Variants in CDC42BPB observed in about 807,000 individuals in gnomAD.
CDC42BPB encodes CDC42 binding protein kinase beta.
CDC42BPB carries 37 observed loss-of-function variants against 214.9 expected under a neutral mutation model. The ratio of observed to expected loss-of-function variants is 0.17; its 90% CI spans 0.13 to 0.23. The LOEUF is 0.23. Among genes scored for constraint, CDC42BPB ranks in the 10% least tolerant of loss-of-function variants. The pLI, the probability that CDC42BPB is intolerant of heterozygous loss-of-function variation, is 1.00. For missense variants in CDC42BPB, 1,694 were observed against 2,227.0 expected (o/e 0.76, Z 4.82); for synonymous variants, 931 against 884.0 (o/e 1.05, Z -0.94).
At chr14:103,050,864 G>C (rs532168456) in intron 1 of CDC42BPB, among the ~76,000 whole-genome samples, 35 of 151,916 alleles carry the variant, frequency 2.3e-4, no homozygotes, top group Non-Finnish European at 4.7e-4. Flanking sequence ...CTTACAATAG[G>C]TCCCAAATGT....
At chr14:103,017,892 G>A (rs539317606) in intron 1 of CDC42BPB, among the ~76,000 whole-genome samples, 1 of 152,332 alleles carries the variant, frequency 6.6e-6, no homozygotes, top group Non-Finnish European at 1.5e-5. Flanking sequence ...GATTGTGTTG[G>A]TTACACCGTG....
rs761439565 is a variant in CDC42BPB, at chr14:102,968,615, C to G, written c.2097G>C (p.Glu699Asp). ...ELEKKVLFYE[E>D]ELVRREASHV... ...GGGAGGCCTCACGTCTGACCAATTC[C>G]TCTTCATAAAATAAGACTTTCTTCT... Residue 699 changes from glutamate (E) to aspartate (D), a missense_variant, in exon 15 of 37, where the codon GAG (glutamate) becomes GAC (aspartate). Glu to Asp is a conservative substitution (Grantham distance 45). Around this residue, in one of 7 missense-constraint regions of CDC42BPB, gnomAD observed 462 missense variants for 513.5 expected, o/e 0.90. Coordinates refer to ENST00000361246, the MANE Select transcript of CDC42BPB (RefSeq NM_006035.4). The G allele has an allele frequency of 6.2e-7, 1 of 1,614,192 alleles. No homozygotes were observed. Among genetic ancestry groups the G allele is most frequent in the Admixed American group, 1.7e-5 (1 of 60,030 alleles).
chr14:102,941,637 T>C, intron 30 of CDC42BPB: 1 of 827,660 alleles, frequency 1.2e-6, no homozygotes, highest in Non-Finnish European at 1.5e-6. Context: ...AGAAGTCTAG[T>C]TTGCTGACTC....
At chr14:103,044,629 A>G (rs1183819109) in intron 1 of CDC42BPB, among the ~76,000 whole-genome samples, 1 of 151,930 alleles carries the variant, frequency 6.6e-6, no homozygotes, top group Non-Finnish European at 1.5e-5. Context: ...TCAGTCTCCC[A>G]AAGTGCTGGG....
At chr14:103,034,073 C>G (rs1887535572) in intron 1 of CDC42BPB, among the ~76,000 whole-genome samples, 1 of 152,208 alleles carries the variant, frequency 6.6e-6, no homozygotes, top group Admixed American at 6.5e-5. Flanking sequence ...GATACAGGCC[C>G]TTTGGACTGA....
In CDC42BPB at chr14:102,940,582, T is replaced by C. The variant is rs367923499; in HGVS notation, c.4409-258A>G. 106 of 932,502 alleles carry C rather than the reference T, an allele frequency of 1.1e-4. No homozygotes were observed. In the African/African-American group the frequency reaches 1.6e-3, roughly 14 times the overall value. 57.8% of individuals were successfully genotyped at this position (932,502 alleles called of 1,614,324 possible). ...ATTTTGAATACTACAGTACAGATGTTGAAGGTGACTTTTAAAAAGTCTGGT... is the reference window on the plus strand; with the variant it reads ...ATTTTGAATACTACAGTACAGATGTCGAAGGTGACTTTTAAAAAGTCTGGT... On this transcript the variant is annotated intron_variant, in intron 30 of 36. Transcript: ENST00000361246.
At chr14:103,031,995 T>A (rs1296638698) in intron 1 of CDC42BPB, among the ~76,000 whole-genome samples, 1 of 151,768 alleles carries the variant, frequency 6.6e-6, no homozygotes, top group Non-Finnish European at 1.5e-5. Context: ...TTATTATTTT[T>A]TTTTTTTTAA....
intron 26 of CDC42BPB, 40 bp from the exon 27 acceptor site, chr14:102,947,842 G>A (rs12886225): frequency 0.4 from 648,317 of 1,608,888 alleles, 134,961 homozygotes; most frequent in East Asian, 0.5. Context: ...GGAGACACGC[G>A]CACAGGACCC....
chr14:103,022,103 G>A (rs892196710), intron 1 of CDC42BPB, among the ~76,000 whole-genome samples: 1 of 152,068 alleles, frequency 6.6e-6, no homozygotes, highest in Non-Finnish European at 1.5e-5. Context: ...AGAGGGGAGG[G>A]GCCAAGGACA....
chr14:102,974,285 C>CAT, intron 11 of CDC42BPB, 136 bp from the exon 12 acceptor site: 1 of 812,358 alleles, frequency 1.2e-6, no homozygotes, highest in South Asian at 2.4e-5. Flanking sequence ...TTTACTTACA[C>CAT]ACACACACAC....
intron 5 of CDC42BPB, among the ~76,000 whole-genome samples, chr14:102,993,106 A>G (rs956272390): frequency 6.6e-6 from 1 of 152,192 alleles, no homozygotes; most frequent in African/African-American, 2.4e-5. Context: ...TTGGGATTAC[A>G]GGCGTGAGCC....
intron 1 of CDC42BPB, among the ~76,000 whole-genome samples, chr14:103,048,784 G>T (rs569174454): frequency 6.6e-6 from 1 of 151,080 alleles, no homozygotes; most frequent in Non-Finnish European, 1.5e-5. Flanking sequence ...TGAGGCAGGA[G>T]AATCACTTGA....
At chr14:102,963,940 T>A (rs145029774) in intron 19 of CDC42BPB, among the ~76,000 whole-genome samples, 1 of 152,320 alleles carries the variant, frequency 6.6e-6, no homozygotes, top group Non-Finnish European at 1.5e-5. Flanking sequence ...CTGGTTTTTA[T>A]GAAACTGACG....
chr14:102,978,926 G>C (rs1348842786), intron 8 of CDC42BPB, among the ~76,000 whole-genome samples: 1 of 152,212 alleles, frequency 6.6e-6, no homozygotes, highest in Admixed American at 6.5e-5. Context: ...AGACTTGATT[G>C]AATATGGGAG....
Position 102,986,578 on chromosome 14 carries a change from T to C in CDC42BPB, c.599A>G (p.Asp200Gly). The change falls in exon 6 of 37, where the codon GAC becomes GGC. Residue 200 changes from aspartate to glycine, a missense_variant and splice_region_variant. By Grantham distance (94) the Asp-to-Gly change is moderately conservative. Around this residue, in one of 7 missense-constraint regions of CDC42BPB, gnomAD observed 225 missense variants for 459.3 expected, o/e 0.49. Transcript: ENST00000361246. ...SIHQLHYVHR[D>G]IKPDNVLLDV... ...CAAAAGGACATTGTCAGGTTTAATGTCTCTGTTTGTAAAATAAACACACAA... is the reference window on the plus strand; with the variant it reads ...CAAAAGGACATTGTCAGGTTTAATGCCTCTGTTTGTAAAATAAACACACAA... The C allele has an allele frequency of 6.2e-7, 1 of 1,612,788 alleles. No individual in the cohort carries two copies. Among genetic ancestry groups the C allele is most frequent in the Non-Finnish European group, 8.5e-7 (1 of 1,179,318 alleles).
At chr14:102,950,384 C>A in intron 25 of CDC42BPB, 82 bp downstream of exon 25, 2 of 1,552,800 alleles carry the variant, frequency 1.3e-6, no homozygotes, top group African/African-American at 1.4e-5. Context: ...CAAGGGGCTG[C>A]TTTCAAGAGT....
chr14:102,980,821 G>C lies in CDC42BPB; in HGVS notation c.1092C>G (p.Pro364=). The C allele has an allele frequency of 6.2e-7, 1 of 1,614,154 alleles. No individual in the cohort carries two copies. Among genetic ancestry groups the C allele is most frequent in the Non-Finnish European group, 8.5e-7 (1 of 1,180,026 alleles). Residue 364 remains proline, a synonymous_variant, in exon 8 of 37, where the codon CCC becomes CCG. Transcript: ENST00000361246. The part of the protein sequence containing the change: ...EAPYIPDVSS[P]SDTSNFDVDD... The stretch of plus-strand genomic sequence containing the variant: ...CCACGTCGAAGTTGGATGTGTCAGA[G>C]GGACTGCTCACATCAGGAATATAAG...
intron 5 of CDC42BPB, among the ~76,000 whole-genome samples, chr14:102,995,205 G>A (rs1198946575): frequency 3.4e-5 from 5 of 148,266 alleles, no homozygotes; most frequent in East Asian, 3.9e-4. Flanking sequence ...ACAGAGTATC[G>A]CTCTTGTTCT....
At chr14:103,024,995 C>T (rs964266141) in intron 1 of CDC42BPB, among the ~76,000 whole-genome samples, 1 of 152,098 alleles carries the variant, frequency 6.6e-6, no homozygotes, top group Non-Finnish European at 1.5e-5. Flanking sequence ...TTTCTTGTTG[C>T]TCTTAACTTA....
Sources: gnomAD v4.1 joint callset for allele counts (sites outside exome capture counted in the v4.1 genomes callset) on GRCh38, gnomAD v4.1.1 for gene constraint, gnomAD v4.1.1 regional missense constraint, MANE v1.5 for transcripts, NCBI Gene and HGNC (gene_info 2026-07-23, HGNC 2026-07-21) for gene names.